The following DOCK11 variants were observed in gnomAD, a reference collection of about 807,000 sequenced individuals.
DOCK11 encodes dedicator of cytokinesis protein 11.
A neutral mutation model predicts 169.1 loss-of-function variants in DOCK11; 70 were observed. That is an observed-to-expected ratio of 0.41 (90% CI 0.34 to 0.51). The LOEUF is 0.51. Among genes scored for constraint, DOCK11 ranks in the 20% least tolerant of loss-of-function variants. The pLI is 0.10. For missense variants in DOCK11, 1,166 were observed against 1,538.8 expected (o/e 0.76, Z 4.05); for synonymous variants, 529 against 541.3 (o/e 0.98, Z 0.32).
At chrX:118,641,040 C>G (rs2015519557) in intron 38 of DOCK11, 150 bp from the exon 39 acceptor site, 2 of 466,846 alleles carry the variant, frequency 4.3e-6, no homozygotes, top group Non-Finnish European at 7.7e-6. Flanking sequence ...CTGTCCGCCT[C>G]AGCCTCCCAA....
At chrX:118,578,469 A>G in intron 12 of DOCK11, 56 bp from the exon 13 acceptor site, 1 of 1,179,083 alleles carries the variant, frequency 8.5e-7, no homozygotes, top group Non-Finnish European at 1.1e-6. Context: ...TTAACCATAA[A>G]CAACCATATG....
rs1033773746 is a variant in DOCK11 at position 118,579,924 on chromosome X, C to A, written c.1513-173C>A. On this transcript the variant is annotated intron_variant, in intron 13 of 52. Transcript: ENST00000276202. ...GAAAATCCAAAGCCTTTATGAAATA[C>A]TTTGGACTTGAAAAATGGCTGGCTG... Among the ~76,000 whole-genome samples the A allele has an allele frequency of 3.6e-5, 4 of 111,765 alleles. No individual in the cohort carries two copies. The Admixed American group carries it at 3.8e-4, about 11-fold the overall frequency.
intron 42 of DOCK11, among the ~76,000 whole-genome samples, chrX:118,653,735 A>C (rs769003930): frequency 2.7e-5 from 3 of 111,039 alleles, no homozygotes; most frequent in Non-Finnish European, 5.7e-5. Flanking sequence ...GTTTCAAACC[A>C]TTTCCCCCAC....
intron 30 of DOCK11, among the ~76,000 whole-genome samples, chrX:118,616,919 C>G (rs1226705467): frequency 9.0e-6 from 1 of 111,393 alleles, no homozygotes; most frequent in East Asian, 2.8e-4. Context: ...TCAGCTACCC[C>G]CTTATTCGAT....
At chrX:118,680,961 A>T in intron 49 of DOCK11, 97 bp from the exon 50 acceptor site, 1 of 797,343 alleles carries the variant, frequency 1.3e-6, no homozygotes, top group Non-Finnish European at 1.8e-6. Flanking sequence ...TAGATAAAGG[A>T]TGGGGAGAGT....
At chrX:118,545,191 T>C in intron 4 of DOCK11, 132 bp from the exon 5 acceptor site, 1 of 408,433 alleles carries the variant, frequency 2.4e-6, no homozygotes, top group Non-Finnish European at 4.1e-6. Flanking sequence ...CTTGGCATTT[T>C]CTCGTTTGTG....
At chrX:118,534,822 T>C (rs1038866800) in intron 1 of DOCK11, among the ~76,000 whole-genome samples, 1 of 112,024 alleles carries the variant, frequency 8.9e-6, no homozygotes, top group Admixed American at 9.5e-5. Flanking sequence ...GTGTGGAGGA[T>C]ATTGAGGTGA....
chrX:118,596,054 G>A (rs2014157074), intron 20 of DOCK11, among the ~76,000 whole-genome samples: 1 of 112,164 alleles, frequency 8.9e-6, no homozygotes, highest in African/African-American at 3.2e-5. Context: ...TAGATGAATT[G>A]TGTGGTATAT....
chrX:118,584,362 G>A (rs966019679), intron 14 of DOCK11, among the ~76,000 whole-genome samples: 18 of 112,338 alleles, frequency 1.6e-4, no homozygotes, highest in Non-Finnish European at 3.0e-4. Flanking sequence ...CATCCATATT[G>A]TTGTGTGAAT....
chrX:118,637,498 G>A (rs1337058370), intron 36 of DOCK11, among the ~76,000 whole-genome samples: 3 of 111,963 alleles, frequency 2.7e-5, no homozygotes, highest in African/African-American at 6.5e-5. Context: ...GGTGGCTCAC[G>A]CCTGTAATCC....
chrX:118,581,638 C>G (rs1429093373), intron 14 of DOCK11, among the ~76,000 whole-genome samples: 3 of 104,427 alleles, frequency 2.9e-5, no homozygotes, highest in Non-Finnish European at 3.9e-5. Context: ...CCTGTCTCTA[C>G]TAAAAATACA....
At chrX:118,572,004 A>G (rs1431192722) in intron 10 of DOCK11, among the ~76,000 whole-genome samples, 2 of 111,931 alleles carry the variant, frequency 1.8e-5, no homozygotes, top group East Asian at 5.6e-4. Flanking sequence ...GAAGAGGGCA[A>G]TTGTGGTAGG....
intron 30 of DOCK11, among the ~76,000 whole-genome samples, chrX:118,617,716 C>T (rs758858113): frequency 9.1e-6 from 1 of 110,048 alleles, no homozygotes; most frequent in Admixed American, 9.7e-5. Flanking sequence ...CCCGTCCCTA[C>T]TAAAAATACA....
chrX:118,633,146 T>G (rs1257559261), intron 35 of DOCK11: 1 of 111,652 alleles, frequency 9.0e-6, no homozygotes, highest in Non-Finnish European at 1.9e-5. Context: ...CGAAGCAGAC[T>G]GTTCATTGGA....
At chrX:118,647,588 TCTTA>T (rs2015728774) in intron 40 of DOCK11, among the ~76,000 whole-genome samples, 1 of 59,817 alleles carries the variant, frequency 1.7e-5, no homozygotes, top group Non-Finnish European at 2.9e-5. Context: ...ATATAATATA[TCTTA>T]TATATTAATA....
rs1369395205 is a variant in DOCK11 at position 118,522,856 on chromosome X, C to T, written c.103-19869C>T. Among the ~76,000 whole-genome samples the T allele has an allele frequency of 5.4e-5, 6 of 111,722 alleles. 1 individual carries two copies. The highest frequency in any genetic ancestry group is 2.9e-4 in the Admixed American group (3 of 10,525). On this transcript the variant is annotated intron_variant, in intron 1 of 52. Coordinates refer to ENST00000276202, the MANE Select transcript of DOCK11 (RefSeq NM_144658.4). ...TCTCAATATTCACAGGTCCCGCTTA[C>T]ATTCAAGAGGAGAATTAAACAGGGT...
At chrX:118,496,190 G>A in intron 1 of DOCK11, 117 bp downstream of exon 1, 1 of 500,460 alleles carries the variant, frequency 2.0e-6, no homozygotes, top group Non-Finnish European at 2.7e-6. Context: ...GTCTTTCTCC[G>A]CTCCAGTAAG....
chrX:118,543,221 A>G (rs112803463), intron 3 of DOCK11, among the ~76,000 whole-genome samples: 1 of 112,362 alleles, frequency 8.9e-6, no homozygotes, highest in African/African-American at 3.2e-5. Context: ...ACAAGTCTAT[A>G]TGATGATAAA....
intron 44 of DOCK11, among the ~76,000 whole-genome samples, chrX:118,658,772 G>C (rs757873017): frequency 8.9e-6 from 1 of 111,836 alleles, no homozygotes; most frequent in Non-Finnish European, 1.9e-5. Flanking sequence ...TATTTTGTTT[G>C]AGAACCTCAA....
Sources: allele counts gnomAD v4.1 joint callset (sites outside exome capture counted in the v4.1 genomes callset), GRCh38; gene constraint gnomAD v4.1.1; transcripts MANE v1.5; gene names NCBI Gene and HGNC (gene_info 2026-07-23, HGNC 2026-07-21).